Variants in FSTL5 observed in about 807,000 individuals in gnomAD.
The protein encoded by FSTL5 is follistatin-related protein 5.
Under a neutral mutation model 89.1 loss-of-function variants are expected in FSTL5, and 62 were observed. The observed-to-expected ratio is 0.70, with a 90% CI of 0.57 to 0.86. The LOEUF is 0.86. Among genes scored for constraint, FSTL5 ranks in the 40% least tolerant of loss-of-function variants. The pLI is 0.00. For missense variants in FSTL5, 1,057 were observed against 1,001.6 expected, an observed-to-expected ratio of 1.06 and a Z score of -0.75; for synonymous variants, 383 against 346.2, an observed-to-expected ratio of 1.11 and a Z score of -1.18.
At chr4:162,098,266 A>C (rs994627457) in intron 2 of FSTL5, among the ~76,000 whole-genome samples, 2 of 152,008 alleles carry the variant, frequency 1.3e-5, no homozygotes, top group African/African-American at 4.8e-5. Flanking sequence ...AAAACAGATA[A>C]AACTATATCA....
chr4:161,910,683 T>C (rs759498729), intron 4 of FSTL5, among the ~76,000 whole-genome samples: 1 of 152,028 alleles, frequency 6.6e-6, no homozygotes, highest in Non-Finnish European at 1.5e-5. Context: ...ATTACCATCA[T>C]CTCTATATCT....
rs201321665 is a variant in FSTL5, at chr4:161,469,207, T to TC, written c.1609-9889dup. Among the ~76,000 whole-genome samples the TC allele has an allele frequency of 3.6e-3, 554 of 152,328 alleles. 9 individuals carry two copies. The highest frequency in any genetic ancestry group is 0.021 in the Admixed American group (319 of 15,302). ...TATTATGACTGGCTTATTTCACTTA[T>TC]CATAATGTCCTCAGATTACACCCAT... is the stretch of plus-strand genomic sequence containing the variant. On this transcript the variant is annotated intron_variant, in intron 13 of 15. Transcript: ENST00000306100.
At chr4:161,500,245 G>A (rs1489580071) in intron 11 of FSTL5, 111 bp from the exon 12 acceptor site, 1 of 653,408 alleles carries the variant, frequency 1.5e-6, no homozygotes, top group East Asian at 2.8e-5. Context: ...TCGAAGTTGT[G>A]TAATGTTAAT....
chr4:162,149,725 G>A (rs1028927258), intron 1 of FSTL5, among the ~76,000 whole-genome samples: 4 of 152,100 alleles, frequency 2.6e-5, no homozygotes, highest in Admixed American at 2.6e-4. Flanking sequence ...GTGTGTATAT[G>A]TATATATGTA....
At chr4:161,695,108 A>G (rs999015400) in intron 6 of FSTL5, among the ~76,000 whole-genome samples, 5 of 151,544 alleles carry the variant, frequency 3.3e-5, no homozygotes, top group Non-Finnish European at 7.4e-5. Flanking sequence ...GTTTGGTTAC[A>G]TGAGTAAGTT....
Position 161,426,233 on chromosome 4 carries a change from T to C in FSTL5, c.1841+28771A>G, listed in dbSNP as rs889886191. On this transcript the variant is annotated intron_variant, in intron 15 of 15. Transcript: ENST00000306100. ...TTTAACAATAACTGTTTGCTCGTTA[T>C]TGCACTGTGTGAAGAGTTTAACAAA... 3.9e-5 allele frequency among the ~76,000 whole-genome samples: 6 copies of C among 152,304 alleles called. No homozygotes were observed. The East Asian group carries it at 9.7e-4, about 25-fold the overall frequency.
intron 3 of FSTL5, among the ~76,000 whole-genome samples, chr4:161,944,784 T>C (rs1734692058): frequency 6.6e-6 from 1 of 151,818 alleles, no homozygotes; most frequent in Non-Finnish European, 1.5e-5. Flanking sequence ...TATAGTTTGG[T>C]TAGTATTTAA....
At position 161,784,895 on chromosome 4, in the gene FSTL5, A is replaced by AAAAAAAAAAAAAACAAAAAC. The variant is rs1553965825; in HGVS notation, c.410-8822_410-8821insGTTTTTGTTTTTTTTTTTTT. On this transcript the variant is annotated intron_variant, in intron 4 of 15. Transcript: ENST00000306100. ...GCGACAGAGCAAGACTCCGTCTCAA[A>AAAAAAAAAAAAAACAAAAAC]AAAAACAAAAACAAACAAACAAAAA... 7.7e-3 allele frequency among the ~76,000 whole-genome samples: 1,095 copies of AAAAAAAAAAAAAACAAAAAC among 141,976 alleles called. 74 individuals carry two copies. The highest frequency in any genetic ancestry group is 0.026 in the African/African-American group (992 of 37,702). The allele number at this position is 141,976 out of a possible 152,430, so 93.1% of individuals were successfully genotyped here.
chr4:161,821,186 G>A (rs146216787), intron 4 of FSTL5, among the ~76,000 whole-genome samples: 3 of 152,034 alleles, frequency 2.0e-5, no homozygotes, highest in African/African-American at 7.2e-5. Flanking sequence ...TGCAGGCACA[G>A]CACACCATGT....
Position 161,414,445 on chromosome 4 carries a change from A to T in FSTL5, c.1842-27996T>A, listed in dbSNP as rs138849136. 4.3e-3 allele frequency among the ~76,000 whole-genome samples: 656 copies of T among 152,338 alleles called. 5 individuals are homozygous for T. The highest frequency in any genetic ancestry group is 0.012 in the African/African-American group (493 of 41,574). The stretch of plus-strand genomic sequence containing the variant: ...CATTCACCTGAAATAAGTTAAAATA[A>T]ATTAAAATGTGTGCCATTAGAGATC... On this transcript the variant is annotated intron_variant, in intron 15 of 15. Coordinates refer to ENST00000306100, the MANE Select transcript of FSTL5 (RefSeq NM_020116.5).
chr4:161,575,363 A>C (rs1170782570), intron 8 of FSTL5, among the ~76,000 whole-genome samples: 2 of 152,114 alleles, frequency 1.3e-5, no homozygotes, highest in African/African-American at 4.8e-5. Flanking sequence ...TCTCTATGTC[A>C]ATTTTGGCTT....
chr4:161,925,316 CT>C (rs2110877095), intron 3 of FSTL5, among the ~76,000 whole-genome samples: 1 of 151,968 alleles, frequency 6.6e-6, no homozygotes, highest in East Asian at 1.9e-4. Flanking sequence ...AGAATTTTGA[CT>C]TTGACTTTCT....
At chr4:162,050,025 CAA>C (rs993705549) in intron 2 of FSTL5, among the ~76,000 whole-genome samples, 2 of 150,256 alleles carry the variant, frequency 1.3e-5, no homozygotes, top group Admixed American at 6.6e-5. Context: ...GAACATATAT[CAA>C]AAAAGTTAAG....
At chr4:161,878,805 A>C (rs1029252564) in intron 4 of FSTL5, among the ~76,000 whole-genome samples, 4 of 152,162 alleles carry the variant, frequency 2.6e-5, no homozygotes, top group Non-Finnish European at 4.4e-5. Flanking sequence ...AATACAATTA[A>C]TGATAACGAT....
At chr4:161,890,994 T>TCTG in intron 4 of FSTL5, among the ~76,000 whole-genome samples, 1 of 152,274 alleles carries the variant, frequency 6.6e-6, no homozygotes, top group Middle Eastern at 3.4e-3. Flanking sequence ...ATTAGCTGGT[T>TCTG]CTGCCTGATT....
intron 8 of FSTL5, among the ~76,000 whole-genome samples, chr4:161,581,169 C>T (rs530756028): frequency 1.3e-5 from 2 of 152,298 alleles, no homozygotes; most frequent in East Asian, 3.9e-4. Flanking sequence ...AAGCTTATCT[C>T]CAGAATTACC....
intron 4 of FSTL5, among the ~76,000 whole-genome samples, chr4:161,869,219 A>C (rs1732186948): frequency 6.6e-6 from 1 of 152,200 alleles, no homozygotes; most frequent in African/African-American, 2.4e-5. Flanking sequence ...ATAAAGAAAT[A>C]AATAATGCAT....
intron 3 of FSTL5, among the ~76,000 whole-genome samples, chr4:161,992,424 A>C (rs961217149): frequency 1.3e-5 from 2 of 152,098 alleles, no homozygotes; most frequent in Non-Finnish European, 2.9e-5. Flanking sequence ...TAAAGAGAGG[A>C]GTCAAAGCTG....
At position 161,733,077 on chromosome 4, in the gene FSTL5, A is replaced by C. The variant is rs190905893; in HGVS notation, c.727+26334T>G. ...TCTATCCATAGATTAACTTTTGTAGAACTGATATCTTAATAATATTGAGTC... is the reference window on the plus strand; with the variant it reads ...TCTATCCATAGATTAACTTTTGTAGCACTGATATCTTAATAATATTGAGTC... On this transcript the variant is annotated intron_variant, in intron 6 of 15. Coordinates refer to ENST00000306100, the MANE Select transcript of FSTL5 (RefSeq NM_020116.5). Among the ~76,000 whole-genome samples, 127 of 151,964 alleles carry C rather than the reference A, an allele frequency of 8.4e-4. 1 individual carries two copies. Among genetic ancestry groups the C allele is most frequent in the African/African-American group, 3.0e-3 (124 of 41,514 alleles).
Sources: allele counts gnomAD v4.1 joint callset (sites outside exome capture counted in the v4.1 genomes callset), GRCh38; gene constraint gnomAD v4.1.1; transcripts MANE v1.5; gene names NCBI Gene and HGNC (gene_info 2026-07-23, HGNC 2026-07-21).